The following CA10 variants were observed in gnomAD, a reference collection of about 807,000 sequenced individuals.
The protein encoded by CA10 is carbonic anhydrase 10 (inactive).
In CA10, 14 loss-of-function variants were observed where a neutral mutation model predicts 44.2. That is an observed-to-expected ratio of 0.32 (90% CI 0.21 to 0.50). CA10 has a LOEUF of 0.50. Ranked by LOEUF, CA10 falls within the 20% of genes least tolerant of loss-of-function variation. The pLI, the probability that CA10 is intolerant of heterozygous loss-of-function variation, is 0.99. For missense variants in CA10, 350 were observed against 409.7 expected (o/e 0.85, Z 1.26); for synonymous variants, 159 against 141.6 (o/e 1.12, Z -0.87).
At chr17:51,996,013 T>A (rs1985222891) in intron 2 of CA10, among the ~76,000 whole-genome samples, 1 of 152,042 alleles carries the variant, frequency 6.6e-6, no homozygotes, top group Admixed American at 6.6e-5. Flanking sequence ...CAAACACAAC[T>A]ATTGAAAGCT....
intron 4 of CA10, among the ~76,000 whole-genome samples, chr17:51,731,123 A>C (rs1020661971): frequency 4.3e-4 from 65 of 152,322 alleles, no homozygotes; most frequent in Admixed American, 8.5e-4. Flanking sequence ...TTATGCCTGT[A>C]ATCCCAGCAC....
At chr17:52,082,600 A>T (rs1412407768) in intron 1 of CA10, among the ~76,000 whole-genome samples, 2 of 152,204 alleles carry the variant, frequency 1.3e-5, no homozygotes, top group African/African-American at 4.8e-5. Flanking sequence ...AGTGAGCCAA[A>T]ATCACAGTCA....
At chr17:51,844,954 A>G (rs1001818384) in intron 3 of CA10, among the ~76,000 whole-genome samples, 1 of 152,188 alleles carries the variant, frequency 6.6e-6, no homozygotes, top group Non-Finnish European at 1.5e-5. Context: ...CCCTAATCCA[A>G]TGACTGGTGC....
In CA10 at chr17:51,876,665, T is replaced by A. The variant is rs541340090; in HGVS notation, c.279+54325A>T. 4.0e-5 allele frequency among the ~76,000 whole-genome samples: 6 copies of A among 151,670 alleles called. No homozygotes were observed. In the South Asian group the frequency reaches 1.3e-3, roughly 32 times the overall value. On this transcript the variant is annotated intron_variant, in intron 3 of 8. Coordinates refer to ENST00000451037, the MANE Select transcript of CA10 (RefSeq NM_020178.5). ...AAATGTCTCCTCACATTACCAAATG[T>A]TGGGGGGCAAAATTGACTTCAGTGA...
chr17:51,990,518 G>A (rs1262996164), intron 2 of CA10, among the ~76,000 whole-genome samples: 1 of 152,088 alleles, frequency 6.6e-6, no homozygotes, highest in Non-Finnish European at 1.5e-5. Flanking sequence ...CATAAAGGAA[G>A]TAGGAGAGGA....
chr17:51,734,909 C>CATCCTCTGGAGGGGAGGAATGCTGT (rs1916848634), intron 4 of CA10, among the ~76,000 whole-genome samples: 2 of 152,286 alleles, frequency 1.3e-5, no homozygotes, highest in South Asian at 4.1e-4. Context: ...GTGGAGGCTG[C>CATCCTCTGGAGGGGAGGAATGCTGT]ATCCTCTGGA....
chr17:52,052,845 G>C (rs915089603), intron 2 of CA10, among the ~76,000 whole-genome samples: 1 of 152,060 alleles, frequency 6.6e-6, no homozygotes, highest in Non-Finnish European at 1.5e-5. Flanking sequence ...TTAATGCTAA[G>C]TTTGGATATG....
intron 3 of CA10, among the ~76,000 whole-genome samples, chr17:51,769,931 G>T (rs887424394): frequency 6.6e-6 from 1 of 152,056 alleles, no homozygotes; most frequent in Non-Finnish European, 1.5e-5. Context: ...CAAGAAATGG[G>T]TGCATCCTCT....
chr17:51,893,192 A>G (rs1288364625), intron 3 of CA10, among the ~76,000 whole-genome samples: 1 of 152,194 alleles, frequency 6.6e-6, no homozygotes, highest in African/African-American at 2.4e-5. Context: ...AAATAAAAAT[A>G]AAGCCACCAT....
At chr17:51,943,133 T>C (rs953812397) in intron 2 of CA10, among the ~76,000 whole-genome samples, 3 of 152,162 alleles carry the variant, frequency 2.0e-5, no homozygotes, top group South Asian at 2.1e-4. Flanking sequence ...AATTATTCTT[T>C]CCACTTTCTA....
chr17:51,877,867 G>T (rs1360865989), intron 3 of CA10, among the ~76,000 whole-genome samples: 1 of 151,990 alleles, frequency 6.6e-6, no homozygotes, highest in African/African-American at 2.4e-5. Flanking sequence ...ATTCTCGGCT[G>T]GGTGTGGTGA....
At chr17:51,986,080 G>T (rs557513158) in intron 2 of CA10, among the ~76,000 whole-genome samples, 1 of 151,714 alleles carries the variant, frequency 6.6e-6, no homozygotes, top group African/African-American at 2.4e-5. Flanking sequence ...TATGGAGGCA[G>T]GTACCACATT....
chr17:52,133,720 T>C (rs1159585313), intron 1 of CA10, among the ~76,000 whole-genome samples: 1 of 152,210 alleles, frequency 6.6e-6, no homozygotes, highest in Non-Finnish European at 1.5e-5. Flanking sequence ...ATGTTTGTAA[T>C]AGCATATTTC....
chr17:51,663,616 C>CA (rs372667368), intron 4 of CA10, among the ~76,000 whole-genome samples: 54 of 152,268 alleles, frequency 3.5e-4, no homozygotes, highest in African/African-American at 1.3e-3. Context: ...TTAAATGAAC[C>CA]AAAACATGTA....
chr17:51,715,102 AAACTATTGC>A (rs1245980836), intron 4 of CA10, among the ~76,000 whole-genome samples: 3 of 152,200 alleles, frequency 2.0e-5, no homozygotes, highest in African/African-American at 7.2e-5. Context: ...CATTCTCAGC[AAACTATTGC>A]AAGGACAAAA....
At chr17:51,746,854 C>T (rs926148224) in intron 4 of CA10, among the ~76,000 whole-genome samples, 1 of 152,198 alleles carries the variant, frequency 6.6e-6, no homozygotes, top group Admixed American at 6.5e-5. Context: ...ACATGCAATA[C>T]ATATTTTTGT....
chr17:51,782,660 G>A (rs896784022), intron 3 of CA10, among the ~76,000 whole-genome samples: 3 of 152,180 alleles, frequency 2.0e-5, no homozygotes, highest in African/African-American at 7.2e-5. Context: ...GACCAAGAGG[G>A]ATGCTGTCTC....
rs2144172846 is a variant in CA10 at position 52,031,042 on chromosome 17, C to T, written c.136+41277G>A. ...ATAAATCTCTTCTCATTTATCCATA[C>T]ATATTTTATTGATTCTGCCTCTCTG... is the stretch of plus-strand genomic sequence containing the variant. On this transcript the variant is annotated intron_variant, in intron 2 of 8. Transcript: ENST00000451037. 2.0e-5 allele frequency among the ~76,000 whole-genome samples: 3 copies of T among 152,228 alleles called. No homozygotes were observed. In the South Asian group the frequency reaches 6.2e-4, roughly 32 times the overall value.
intron 2 of CA10, among the ~76,000 whole-genome samples, chr17:52,021,694 A>G (rs1358783531): frequency 6.6e-6 from 1 of 152,120 alleles, no homozygotes; most frequent in East Asian, 1.9e-4. Flanking sequence ...AGATTCAAAT[A>G]AGCACTATCA....
Sources: gnomAD v4.1 joint callset for allele counts (sites outside exome capture counted in the v4.1 genomes callset) on GRCh38, gnomAD v4.1.1 for gene constraint, MANE v1.5 for transcripts, NCBI Gene and HGNC (gene_info 2026-07-23, HGNC 2026-07-21) for gene names.